Variants in PRELID2 observed in about 807,000 individuals in gnomAD.
PRELID2 encodes the protein PRELI domain containing 2, also known as PRELI domain-containing protein 2.
PRELID2 carries 25 observed loss-of-function variants against 28.4 expected under a neutral mutation model. The ratio of observed to expected loss-of-function variants is 0.88; its 90% confidence interval spans 0.64 to 1.23. The LOEUF (loss-of-function observed/expected upper bound fraction) is 1.23, where lower values mean the gene tolerates loss of function less well. PRELID2 is among the 50% of genes most tolerant of loss of function. The pLI, the probability that PRELID2 is intolerant of heterozygous loss-of-function variation, is 0.00. For missense variants in PRELID2, 201 were observed against 214.4 expected (o/e 0.94, Z 0.39); for synonymous variants, 76 against 71.6 (o/e 1.06, Z -0.31).
intron 1 of PRELID2, among the ~76,000 whole-genome samples, chr5:145,705,829 T>G (rs1160076114): frequency 6.6e-6 from 1 of 152,070 alleles, no homozygotes; most frequent in Non-Finnish European, 1.5e-5. Context: ...ATTTTACATG[T>G]CACCAAATAA....
chr5:145,784,042 G>T (rs1213286144), intron 5 of PRELID2, among the ~76,000 whole-genome samples: 3 of 152,100 alleles, frequency 2.0e-5, no homozygotes, highest in Non-Finnish European at 4.4e-5. Context: ...AGCATTTTGG[G>T]AGGCTGAGGT....
At chr5:145,832,527 T>G (rs950686899) in intron 1 of PRELID2, among the ~76,000 whole-genome samples, 1 of 152,090 alleles carries the variant, frequency 6.6e-6, no homozygotes, top group African/African-American at 2.4e-5. Flanking sequence ...CAATAATCGT[T>G]GAAGTGCCTA....
chr5:145,678,139 G>A (rs1480016012), intron 1 of PRELID2, among the ~76,000 whole-genome samples: 3 of 152,138 alleles, frequency 2.0e-5, no homozygotes, highest in Admixed American at 6.5e-5. Context: ...TGATGCTGAG[G>A]GTAAAGAGGC....
chr5:145,664,569 T>C (rs1754553213), intron 1 of PRELID2, among the ~76,000 whole-genome samples: 1 of 152,114 alleles, frequency 6.6e-6, no homozygotes, highest in African/African-American at 2.4e-5. Context: ...CCACTTCTCT[T>C]AACTCTAAAG....
At chr5:145,778,730 G>A (rs914567224) in intron 5 of PRELID2, among the ~76,000 whole-genome samples, 4 of 152,152 alleles carry the variant, frequency 2.6e-5, no homozygotes, top group African/African-American at 9.7e-5. Flanking sequence ...GCTGCTCCAC[G>A]CCTGACTCAC....
At chr5:145,477,887 G>A (rs1752117618) in intron 1 of PRELID2, among the ~76,000 whole-genome samples, 1 of 152,024 alleles carries the variant, frequency 6.6e-6, no homozygotes, top group East Asian at 1.9e-4. Flanking sequence ...AAGAGGAATA[G>A]GAGGGAAAGG....
At chr5:145,229,819 GC>G in the PRELID2 span, 1 of 759,602 alleles carries the variant, frequency 1.3e-6, no homozygotes, top group East Asian at 2.4e-5. Context: ...GAATTTGTCC[GC>G]CCCTGCATCG....
chr5:145,263,720 T>C, the PRELID2 span, among the ~76,000 whole-genome samples: 3 of 151,932 alleles, frequency 2.0e-5, no homozygotes, highest in Non-Finnish European at 4.4e-5. Flanking sequence ...CACCTTTACA[T>C]GCATAAACTA....
chr5:145,627,025 G>A (rs993710617), intron 1 of PRELID2, among the ~76,000 whole-genome samples: 1 of 143,188 alleles, frequency 7.0e-6, no homozygotes, highest in African/African-American at 2.6e-5. Context: ...GCTCAAACCC[G>A]GGAGGCAGAG....
intron 5 of PRELID2, among the ~76,000 whole-genome samples, chr5:145,782,312 C>T (rs193062292): frequency 7.9e-5 from 12 of 152,348 alleles, no homozygotes; most frequent in Non-Finnish European, 1.3e-4. Context: ...GTCAGACCAC[C>T]TGGATTCAAA....
intron 1 of PRELID2, among the ~76,000 whole-genome samples, chr5:145,480,493 A>C (rs1041917481): frequency 6.6e-6 from 1 of 152,148 alleles, no homozygotes; most frequent in Non-Finnish European, 1.5e-5. Context: ...GCCAGAATCC[A>C]CTGTAAATAA....
At chr5:145,357,906 C>CTTGGATTTTTTTTTTT in the PRELID2 span, among the ~76,000 whole-genome samples, 2 of 142,314 alleles carry the variant, frequency 1.4e-5, no homozygotes, top group African/African-American at 5.3e-5. Flanking sequence ...GTTGCTGTCC[C>CTTGGATTTTTTTTTTT]TTGGATTTTT....
intron 1 of PRELID2, among the ~76,000 whole-genome samples, chr5:145,538,819 T>C (rs1471900950): frequency 6.6e-6 from 1 of 151,888 alleles, no homozygotes; most frequent in African/African-American, 2.4e-5. Flanking sequence ...TTTATTGATA[T>C]GAGGACATAG....
At chr5:145,805,185 AC>A (rs1218709098) in intron 4 of PRELID2, among the ~76,000 whole-genome samples, 1 of 152,196 alleles carries the variant, frequency 6.6e-6, no homozygotes, top group Non-Finnish European at 1.5e-5. Context: ...AATCATACTT[AC>A]TGAAGTCTCC....
the PRELID2 span, among the ~76,000 whole-genome samples, chr5:145,305,711 C>T: frequency 1.3e-5 from 2 of 152,114 alleles, no homozygotes; most frequent in African/African-American, 4.8e-5. Context: ...TACACACACA[C>T]ATACAAACAC....
the PRELID2 span, among the ~76,000 whole-genome samples, chr5:145,399,534 C>T: frequency 6.6e-6 from 1 of 151,984 alleles, no homozygotes; most frequent in East Asian, 1.9e-4. Context: ...ACATAAATAC[C>T]TCCTTTTATC....
At chr5:145,386,510 C>G in the PRELID2 span, among the ~76,000 whole-genome samples, 1 of 152,008 alleles carries the variant, frequency 6.6e-6, no homozygotes, top group Non-Finnish European at 1.5e-5. Flanking sequence ...GTAAGACATG[C>G]CCCTTCCCCT....
At chr5:145,432,317 TGAA>T in the PRELID2 span, among the ~76,000 whole-genome samples, 3 of 151,796 alleles carry the variant, frequency 2.0e-5, no homozygotes, top group African/African-American at 7.3e-5. Context: ...TAACCACCCT[TGAA>T]GAAATTTATG....
chr5:145,697,078 T>C (rs868223756), intron 1 of PRELID2, among the ~76,000 whole-genome samples: 3,364 of 98,830 alleles, frequency 0.034, 186 homozygotes, highest in African/African-American at 0.13. Flanking sequence ...TATATATATA[T>C]ATACACACAC....
Sources: allele counts gnomAD v4.1 joint callset (sites outside exome capture counted in the v4.1 genomes callset), GRCh38; gene constraint gnomAD v4.1.1; transcripts MANE v1.5; gene names NCBI Gene and HGNC (gene_info 2026-07-23, HGNC 2026-07-21).